Variants in CTBP2 observed in about 807,000 individuals in gnomAD.
The protein encoded by CTBP2 is C-terminal binding protein 2, also known as C-terminal-binding protein 2.
In CTBP2, 30 loss-of-function variants were observed where a neutral mutation model predicts 80.3. That is an observed-to-expected ratio of 0.37 (90% CI 0.28 to 0.51). CTBP2 has a LOEUF of 0.51. CTBP2 is among the 20% of genes least tolerant of loss of function. CTBP2 has a pLI of 0.93. For synonymous variants in CTBP2, 594 were observed against 587.4 expected (o/e 1.01, Z -0.16); for missense variants, 1,212 against 1,375.3 (o/e 0.88, Z 1.88).
chr10:125,114,934 G>A (rs1350726195), intron 1 of CTBP2, among the ~76,000 whole-genome samples: 1 of 152,156 alleles, frequency 6.6e-6, no homozygotes, highest in East Asian at 1.9e-4. Flanking sequence ...GGGATTTCTA[G>A]TGATATTTCT....
chr10:124,990,804 C>G (rs1015236169), intron 8 of CTBP2, among the ~76,000 whole-genome samples: 4 of 152,236 alleles, frequency 2.6e-5, no homozygotes, highest in African/African-American at 9.7e-5. Context: ...AGTCAGTGCT[C>G]TGGCCCTCTC....
chr10:125,092,912 A>G (rs1175787245), intron 2 of CTBP2, among the ~76,000 whole-genome samples: 1 of 151,634 alleles, frequency 6.6e-6, no homozygotes, highest in African/African-American at 2.4e-5. Flanking sequence ...CGCCTTCTAG[A>G]GTGGGGGGGG....
In CTBP2 at chr10:125,026,590, A is replaced by AGCCGCAGCCTGGGGCTGCAGG. The variant is rs1957601805; in HGVS notation, c.1169_1170insCCTGCAGCCCCAGGCTGCGGC (p.Ala390_Pro391insLeuGlnProGlnAlaAlaAla). On this transcript the variant is annotated inframe_insertion, in exon 1 of 9. Transcript: ENST00000309035. ...CTCGGGGGGATGCTGTCTGCAGAGGAGCCGCAGCGCCCAGAGAAGCCAAGT... is the reference window on the plus strand; with the variant it reads ...CTCGGGGGGATGCTGTCTGCAGAGGAGCCGCAGCCTGGGGCTGCAGGGCCGCAGCGCCCAGAGAAGCCAAGT... 1.9e-6 allele frequency: 3 copies of AGCCGCAGCCTGGGGCTGCAGG among 1,561,450 alleles called. No homozygotes were observed. In the Admixed American group the frequency reaches 5.8e-5, roughly 30 times the overall value.
At position 125,086,070 on chromosome 10, in the gene CTBP2, G is replaced by C. The variant is rs184627772; in HGVS notation, c.-102+24920C>G. On this transcript the variant is annotated intron_variant, in intron 2 of 10. Coordinates refer to the CTBP2 transcript ENST00000337195. ...ACCACTCCCTGTGTTCTCACCAAAG[G>C]GTCCCCTCAGTCCAAAGTATCTCTC... Among the ~76,000 whole-genome samples the C allele has an allele frequency of 7.6e-4, 116 of 152,238 alleles. 1 individual carries two copies. Among genetic ancestry groups the C allele is most frequent in the East Asian group, 3.7e-3 (19 of 5,188 alleles).
chr10:125,161,297 T>G (rs1861875371), upstream of CTBP2: 1 of 151,624 alleles, frequency 6.6e-6, no homozygotes, highest in Admixed American at 6.6e-5. Context: ...CGCGGGGGCC[T>G]CGGTGGCAGG....
At position 125,112,107 on chromosome 10, in the gene CTBP2, CTTT is replaced by C. The variant is rs59148637; in HGVS notation, c.-205-1017_-205-1015del. On this transcript the variant is annotated intron_variant, in intron 1 of 10. Coordinates refer to the CTBP2 transcript ENST00000337195. Reference sequence around the variant, plus strand: ...GAACCACATTCCCAGCTGCATTTGACTTTTTTTTTTTTTTTTTTTTTGGGAGAA... The same window carrying C: ...GAACCACATTCCCAGCTGCATTTGACTTTTTTTTTTTTTTTTTTGGGAGAA... 4.7e-4 allele frequency among the ~76,000 whole-genome samples: 58 copies of C among 123,712 alleles called. 1 individual carries two copies. Among genetic ancestry groups the C allele is most frequent in the African/African-American group, 1.2e-3 (40 of 32,696 alleles). 81.2% of individuals were successfully genotyped at this position (123,712 alleles called of 152,430 possible).
At chr10:125,006,146 C>T (rs547403485) in intron 1 of CTBP2, 11 of 486,502 alleles carry the variant, frequency 2.3e-5, no homozygotes, top group Admixed American at 1.9e-4. Flanking sequence ...TCTACCCTCC[C>T]TGATGGCCGG....
chr10:125,045,681 G>A (rs775702954), intron 2 of CTBP2, among the ~76,000 whole-genome samples: 4 of 152,104 alleles, frequency 2.6e-5, no homozygotes, highest in East Asian at 1.9e-4. Context: ...AGTAGACACA[G>A]GGTTTCACCA....
chr10:125,120,576 AG>A (rs1205029148), intron 1 of CTBP2, among the ~76,000 whole-genome samples: 1 of 152,154 alleles, frequency 6.6e-6, no homozygotes, highest in Non-Finnish European at 1.5e-5. Flanking sequence ...CTGCAGAGAC[AG>A]GGTTTCGCCA....
intron 1 of CTBP2, among the ~76,000 whole-genome samples, chr10:125,128,446 T>G (rs1855619150): frequency 6.6e-6 from 1 of 152,068 alleles, no homozygotes; most frequent in Non-Finnish European, 1.5e-5. Context: ...GGAACAAGAA[T>G]TGTTCAGAAT....
chr10:125,017,641 T>G (rs1394300631), intron 1 of CTBP2, among the ~76,000 whole-genome samples: 2 of 152,260 alleles, frequency 1.3e-5, no homozygotes, highest in South Asian at 2.1e-4. Flanking sequence ...CACAAAAGAA[T>G]GGCATTTGCT....
chr10:125,060,171 C>T (rs1053278719), intron 2 of CTBP2, among the ~76,000 whole-genome samples: 2 of 152,176 alleles, frequency 1.3e-5, no homozygotes, highest in African/African-American at 2.4e-5. Flanking sequence ...CACAAGCATT[C>T]CCCACAGCCA....
rs555305350 is a variant in CTBP2, at chr10:125,097,976, C to A, written c.-102+13014G>T. ...GAAACCCCATCTCTACTAAAAGTAG[C>A]TGGGTGTGGCGGCGGGCGCCTGTAG... On this transcript the variant is annotated intron_variant, in intron 2 of 10. Coordinates refer to the CTBP2 transcript ENST00000337195. Among the ~76,000 whole-genome samples, 177 of 152,232 alleles carry A rather than the reference C, an allele frequency of 1.2e-3. 1 individual carries two copies. Among genetic ancestry groups the A allele is most frequent in the African/African-American group, 4.1e-3 (172 of 41,548 alleles).
At chr10:124,991,493 A>C (rs72828976) in intron 8 of CTBP2, among the ~76,000 whole-genome samples, 1 of 152,340 alleles carries the variant, frequency 6.6e-6, no homozygotes, top group Non-Finnish European at 1.5e-5. Flanking sequence ...GGGCTGGATG[A>C]AATGTGAAGA....
At chr10:125,011,995 C>T (rs80236720) in intron 1 of CTBP2, among the ~76,000 whole-genome samples, 3,583 of 152,262 alleles carry the variant, frequency 0.024, 154 homozygotes, top group African/African-American at 0.081. Context: ...GCCATCCACC[C>T]GGGGCAGATC....
upstream of CTBP2, chr10:125,160,909 T>C (rs978471296): frequency 7.5e-5 from 11 of 146,612 alleles, no homozygotes; most frequent in Admixed American, 2.7e-4. Context: ...TTGCTCTTCT[T>C]TATTTGTTTT....
At chr10:125,006,993 C>T (rs1217732920) in intron 1 of CTBP2, among the ~76,000 whole-genome samples, 2 of 152,254 alleles carry the variant, frequency 1.3e-5, no homozygotes, top group Non-Finnish European at 2.9e-5. Flanking sequence ...CGGGAGTCAG[C>T]GCTCAGGGTG....
At chr10:125,078,143 G>A (rs2135527327) in intron 2 of CTBP2, among the ~76,000 whole-genome samples, 1 of 152,308 alleles carries the variant, frequency 6.6e-6, no homozygotes, top group African/African-American at 2.4e-5. Flanking sequence ...AGCCAGGCAT[G>A]GTGGCAGGCG....
chr10:125,110,376 C>T (rs1322756548), intron 2 of CTBP2, among the ~76,000 whole-genome samples: 1 of 152,140 alleles, frequency 6.6e-6, no homozygotes, highest in African/African-American at 2.4e-5. Flanking sequence ...AATCCCAAAA[C>T]CCTGCTACGG....
Sources: allele counts gnomAD v4.1 joint callset (sites outside exome capture counted in the v4.1 genomes callset), GRCh38; gene constraint gnomAD v4.1.1; transcripts MANE v1.5; gene names NCBI Gene and HGNC (gene_info 2026-07-23, HGNC 2026-07-21).